Variants in EML2 observed in about 807,000 individuals in gnomAD.
The protein encoded by EML2 is echinoderm microtubule-associated protein-like 2.
A neutral mutation model predicts 84.7 loss-of-function variants in EML2; 59 were observed. The observed-to-expected ratio is 0.70, with a 90% CI of 0.56 to 0.86. EML2 has a LOEUF of 0.86. EML2 is among the 40% of genes least tolerant of loss of function. The pLI, the probability that EML2 is intolerant of heterozygous loss-of-function variation, is 0.00. For synonymous variants in EML2, 352 were observed against 348.9 expected, an observed-to-expected ratio of 1.01 and a Z score of -0.10; for missense variants, 818 against 855.6, an observed-to-expected ratio of 0.96 and a Z score of 0.55.
At chr19:45,621,702 T>C in intron 9 of EML2, 65 bp from the exon 10 acceptor site, 1 of 1,513,342 alleles carries the variant, frequency 6.6e-7, no homozygotes, top group Non-Finnish European at 8.9e-7. Context: ...CCTGAAAGCA[T>C]CTTGAACTCT....
intron 7 of EML2, among the ~76,000 whole-genome samples, chr19:45,628,420 C>CCA (rs987945343): frequency 6.6e-6 from 1 of 151,774 alleles, no homozygotes; most frequent in Non-Finnish European, 1.5e-5. Context: ...TTGCCTAAGG[C>CCA]CACACAGCTA....
intron 9 of EML2, among the ~76,000 whole-genome samples, chr19:45,622,756 G>C (rs747492852): frequency 2.6e-5 from 4 of 152,156 alleles, no homozygotes; most frequent in African/African-American, 4.8e-5. Flanking sequence ...TTTAAAAAGA[G>C]AGGGCAGGCG....
chr19:45,624,387 C>T (rs1364187201), intron 9 of EML2, among the ~76,000 whole-genome samples: 3 of 152,092 alleles, frequency 2.0e-5, no homozygotes, highest in Non-Finnish European at 4.4e-5. Flanking sequence ...CACGCTGGGA[C>T]AAAGCACTTG....
At chr19:45,617,723 G>T (rs1447610985) in intron 12 of EML2, 26 bp from the exon 13 acceptor site, 2 of 1,608,592 alleles carry the variant, frequency 1.2e-6, no homozygotes, top group Non-Finnish European at 1.7e-6. Context: ...GAAGAGGCAG[G>T]GCTCAGAGCT....
chr19:45,632,715 A>G (rs1426219622), intron 6 of EML2, 146 bp downstream of exon 6: 3 of 683,306 alleles, frequency 4.4e-6, no homozygotes, highest in South Asian at 1.8e-5. Flanking sequence ...TGGGGTGAGG[A>G]CACGCCCTCA....
Position 45,621,651 on chromosome 19 carries a change from A to G in EML2, c.842-14T>C, listed in dbSNP as rs779582248. On this transcript the variant is annotated splice_polypyrimidine_tract_variant and intron_variant, in intron 9 of 18. Coordinates refer to ENST00000245925, the MANE Select transcript of EML2 (RefSeq NM_012155.4). Reference sequence around the variant, plus strand: ...TACGGTTCCCACCTGCAGGGTGGCCAGGGGCAGGGTCAACAGGGAGAAGCC... The same window carrying G: ...TACGGTTCCCACCTGCAGGGTGGCCGGGGGCAGGGTCAACAGGGAGAAGCC... 6.2e-7 allele frequency: 1 copy of G among 1,604,088 alleles called. No homozygotes were observed.
intron 3 of EML2, among the ~76,000 whole-genome samples, chr19:45,635,872 A>G (rs1044296391): frequency 8.5e-5 from 13 of 152,068 alleles, no homozygotes; most frequent in African/African-American, 3.1e-4. Flanking sequence ...GATTATAGGC[A>G]TGAGCCACCG....
At chr19:45,633,227 G>A in intron 4 of EML2, 88 bp from the exon 5 acceptor site, 1 of 1,360,620 alleles carries the variant, frequency 7.3e-7, no homozygotes, top group Non-Finnish European at 1.0e-6. Flanking sequence ...CAAATTGGCT[G>A]GTTGAGTTTA....
At chr19:45,642,452 C>T, upstream of EML2, 1 of 1,460,818 alleles carries the variant, frequency 6.8e-7, no homozygotes, top group South Asian at 1.4e-5. Context: ...GCCAGCCACG[C>T]CCCTTTCCTG....
upstream of EML2, chr19:45,644,983 AC>A (rs1423103945): frequency 2.0e-5 from 10 of 512,150 alleles, no homozygotes; most frequent in Non-Finnish European, 3.2e-5. Context: ...GGCCCAATCG[AC>A]CCCCAGGCCG....
upstream of EML2, among the ~76,000 whole-genome samples, chr19:45,639,638 C>A (rs1440033117): frequency 6.6e-6 from 1 of 152,140 alleles, no homozygotes; most frequent in Non-Finnish European, 1.5e-5. Context: ...CTGCTAATTC[C>A]TAGCAGTGTA....
rs199957663 is a variant in EML2 at position 45,609,729 on chromosome 19, C to A, written c.1884G>T (p.Trp628Cys). Residue 628 changes from tryptophan (W) to cysteine (C), a missense_variant, in exon 19 of 19, where the codon TGG becomes TGT. Trp to Cys is a radical substitution (Grantham distance 215). Coordinates refer to ENST00000245925, the MANE Select transcript of EML2 (RefSeq NM_012155.4). ...CTGTGGTCAGGGCCATGCTGTCATC[C>A]CACAAGAAGGCCACATTTGTCACAT... ...SSHVTNVAFL[W>C]DDSMALTTGG... 7.1e-5 allele frequency: 115 copies of A among 1,613,520 alleles called. No individual in the cohort carries two copies. Among genetic ancestry groups the A allele is most frequent in the Admixed American group, 3.2e-4 (19 of 59,876 alleles).
intron 18 of EML2, 144 bp from the exon 19 acceptor site, chr19:45,609,932 G>A: frequency 1.1e-6 from 1 of 949,716 alleles, no homozygotes; most frequent in Non-Finnish European, 1.5e-6. Context: ...ACTTAGGTAT[G>A]AGCACAGCTT....
chr19:45,643,524 G>A (rs1004966459), upstream of EML2: 16 of 1,534,690 alleles, frequency 1.0e-5, no homozygotes, highest in South Asian at 1.9e-4. Flanking sequence ...CCCAAAGTGG[G>A]AGGGGCGGAG....
intron 6 of EML2, 133 bp downstream of exon 6, chr19:45,632,727 TG>T (rs1973206412): frequency 1.4e-6 from 1 of 736,804 alleles, no homozygotes; most frequent in Non-Finnish European, 2.3e-6. Flanking sequence ...ACGCCCTCAT[TG>T]TGACGTCACA....
intron 1 of EML2, 112 bp from the exon 2 acceptor site, chr19:45,638,985 C>T (rs1413828201): frequency 1.5e-6 from 2 of 1,293,520 alleles, no homozygotes; most frequent in African/African-American, 1.5e-5. Flanking sequence ...GAAAACGGGG[C>T]CGAGTAAGGG....
chr19:45,645,533 C>T, upstream of EML2: 1 of 1,197,306 alleles, frequency 8.4e-7, no homozygotes, highest in Non-Finnish European at 1.1e-6. Context: ...GGGGTCGGGA[C>T]ACCGCCTGCC....
chr19:45,644,840 G>C, upstream of EML2: 4 of 454,888 alleles, frequency 8.8e-6, no homozygotes, highest in South Asian at 6.2e-5. Flanking sequence ...TCCTCTGGCC[G>C]TCCCTTTCCA....
upstream of EML2, chr19:45,645,609 T>G: frequency 1.6e-6 from 1 of 614,174 alleles, no homozygotes; most frequent in Non-Finnish European, 2.7e-6. Flanking sequence ...TACCGTCTGG[T>G]CCCGCCCACA....
Sources: allele counts gnomAD v4.1 joint callset (sites outside exome capture counted in the v4.1 genomes callset), GRCh38; gene constraint gnomAD v4.1.1; transcripts MANE v1.5; gene names NCBI Gene and HGNC (gene_info 2026-07-23, HGNC 2026-07-21).